The following ROBO2 variants were observed in gnomAD, a reference collection of about 807,000 sequenced individuals.
ROBO2 encodes roundabout homolog 2.
Under a neutral mutation model 160.8 loss-of-function variants are expected in ROBO2, and 53 were observed. That is an observed-to-expected ratio of 0.33 (90% CI 0.26 to 0.41). ROBO2 has a LOEUF of 0.41. Ranked by LOEUF, ROBO2 falls within the 10% of genes least tolerant of loss-of-function variation. ROBO2 has a pLI of 1.00. For synonymous variants in ROBO2, 664 were observed against 611.7 expected, an observed-to-expected ratio of 1.09 and a Z score of -1.26; for missense variants, 1,577 against 1,722.4, an observed-to-expected ratio of 0.92 and a Z score of 1.49.
At chr3:77,495,685 T>G (rs2086695277) in intron 5 of ROBO2, among the ~76,000 whole-genome samples, 1 of 152,184 alleles carries the variant, frequency 6.6e-6, no homozygotes, top group African/African-American at 2.4e-5. Context: ...TATAGGTTTT[T>G]AAAAAGAATA....
At chr3:77,526,688 G>A (rs577268502) in intron 6 of ROBO2, among the ~76,000 whole-genome samples, 1 of 151,348 alleles carries the variant, frequency 6.6e-6, no homozygotes, top group African/African-American at 2.4e-5. Context: ...TGAAAGTTAT[G>A]GTATAATAAA....
intron 2 of ROBO2, among the ~76,000 whole-genome samples, chr3:76,089,123 C>T (rs947637193): frequency 6.6e-6 from 1 of 151,916 alleles, no homozygotes; most frequent in African/African-American, 2.4e-5. Flanking sequence ...CACAATCTGT[C>T]AAATCTTACA....
At chr3:76,283,469 TA>T (rs1213668677) in intron 2 of ROBO2, among the ~76,000 whole-genome samples, 2 of 151,876 alleles carry the variant, frequency 1.3e-5, no homozygotes, top group African/African-American at 4.8e-5. Context: ...TCAACCTCAA[TA>T]AAAATCAAGC....
chr3:76,570,434 C>T lies in ROBO2; in HGVS notation c.110-527580C>T, dbSNP rs1005631891. On this transcript the variant is annotated intron_variant, in intron 2 of 26. Transcript: ENST00000487694. Reference sequence around the variant, plus strand: ...ACTTAATGGGATGTAAAAAATAACTCGTACATCTAGAGCGCTTTAAAATAA... The same window carrying T: ...ACTTAATGGGATGTAAAAAATAACTTGTACATCTAGAGCGCTTTAAAATAA... 3.9e-5 allele frequency among the ~76,000 whole-genome samples: 6 copies of T among 152,266 alleles called. 1 individual carries two copies. Among genetic ancestry groups the T allele is most frequent in the African/African-American group, 1.2e-4 (5 of 41,556 alleles).
At chr3:76,056,429 C>T (rs1246979282) in intron 2 of ROBO2, among the ~76,000 whole-genome samples, 1 of 151,612 alleles carries the variant, frequency 6.6e-6, no homozygotes, top group Non-Finnish European at 1.5e-5. Flanking sequence ...AAAAATGGTG[C>T]GTTTTTAAAA....
At chr3:77,048,350 A>G (rs1405269136) in intron 1 of ROBO2, among the ~76,000 whole-genome samples, 4 of 152,206 alleles carry the variant, frequency 2.6e-5, no homozygotes, top group African/African-American at 9.6e-5. Flanking sequence ...CAGTTGTGCT[A>G]TGACATGTGT....
intron 2 of ROBO2, among the ~76,000 whole-genome samples, chr3:76,021,713 A>G (rs2066580046): frequency 6.6e-6 from 1 of 151,794 alleles, no homozygotes; most frequent in Admixed American, 6.6e-5. Flanking sequence ...ATTTTAATAT[A>G]CGTTATTGCT....
At chr3:77,277,091 A>G (rs2059879636) in intron 2 of ROBO2, among the ~76,000 whole-genome samples, 2 of 151,594 alleles carry the variant, frequency 1.3e-5, no homozygotes, top group African/African-American at 2.4e-5. Flanking sequence ...TAAAAAGAAA[A>G]AGAGAGAGAG....
rs1167194799 is a variant in ROBO2, at chr3:76,780,420, CT to C, written c.110-317589del. On this transcript the variant is annotated intron_variant, in intron 2 of 26. Transcript: ENST00000487694. Reference sequence around the variant, plus strand: ...GATTGTTTTATTTTCTGTGTAGAAGCTTTTTAGTTTGATGTCATCTTGCTTG... The same window carrying C: ...GATTGTTTTATTTTCTGTGTAGAAGCTTTTAGTTTGATGTCATCTTGCTTG... Among the ~76,000 whole-genome samples the C allele has an allele frequency of 1.5e-4, 22 of 150,844 alleles. No individual in the cohort carries two copies. In the East Asian group the frequency reaches 4.3e-3, roughly 30 times the overall value.
intron 2 of ROBO2, among the ~76,000 whole-genome samples, chr3:76,925,076 C>A (rs372356774): frequency 3.3e-5 from 5 of 151,010 alleles, no homozygotes; most frequent in Non-Finnish European, 7.4e-5. Flanking sequence ...GGCGTAGTGG[C>A]GGGCACCTGT....
At chr3:77,001,738 A>G (rs1212993048) in intron 2 of ROBO2, among the ~76,000 whole-genome samples, 2 of 152,160 alleles carry the variant, frequency 1.3e-5, no homozygotes, top group Admixed American at 6.6e-5. Context: ...CATCATGAAC[A>G]TCCTTCTAAT....
rs150767492 is a variant in ROBO2, at chr3:77,625,814, G to A, written c.3760+3382G>A. On this transcript the variant is annotated intron_variant, in intron 23 of 25. Transcript: ENST00000461745. ...CAAAAACTAAGAAGAATGTATGACA[G>A]AGACAGCAAAGCCTAAAATATTTAC... 7.8e-3 allele frequency among the ~76,000 whole-genome samples: 1,185 copies of A among 152,242 alleles called. 9 individuals are homozygous for A. Among genetic ancestry groups the A allele is most frequent in the Admixed American group, 0.015 (228 of 15,288 alleles).
chr3:77,125,264 T>A (rs1385801294), intron 2 of ROBO2, among the ~76,000 whole-genome samples: 1 of 152,170 alleles, frequency 6.6e-6, no homozygotes, highest in East Asian at 1.9e-4. Context: ...CACATGAGTG[T>A]CTGTGGATTT....
At chr3:76,878,642 A>ATT (rs781302773) in intron 2 of ROBO2, among the ~76,000 whole-genome samples, 2 of 152,158 alleles carry the variant, frequency 1.3e-5, no homozygotes, top group Admixed American at 6.5e-5. Flanking sequence ...AACTAGCCGT[A>ATT]TTTTCTTTTC....
At chr3:77,572,185 A>G (rs1278021992) in intron 13 of ROBO2, among the ~76,000 whole-genome samples, 1 of 152,056 alleles carries the variant, frequency 6.6e-6, no homozygotes, top group Non-Finnish European at 1.5e-5. Context: ...CAGTATTAAC[A>G]AGCTATTATT....
intron 2 of ROBO2, among the ~76,000 whole-genome samples, chr3:76,422,063 C>T (rs2076018735): frequency 6.6e-6 from 1 of 152,082 alleles, no homozygotes; most frequent in Non-Finnish European, 1.5e-5. Flanking sequence ...ATAAGCAGGC[C>T]CACCTGACCC....
At chr3:76,982,698 C>T (rs1032783428) in intron 2 of ROBO2, among the ~76,000 whole-genome samples, 1 of 147,878 alleles carries the variant, frequency 6.8e-6, no homozygotes, top group Non-Finnish European at 1.5e-5. Flanking sequence ...TAATTTATAC[C>T]TATTTATTTT....
At chr3:76,405,188 G>C (rs2078058320) in intron 2 of ROBO2, among the ~76,000 whole-genome samples, 1 of 151,434 alleles carries the variant, frequency 6.6e-6, no homozygotes, top group Non-Finnish European at 1.5e-5. Context: ...TAAATAATAA[G>C]GTATGAGCCT....
At chr3:76,437,137 G>A (rs1036886701) in intron 2 of ROBO2, among the ~76,000 whole-genome samples, 1 of 152,144 alleles carries the variant, frequency 6.6e-6, no homozygotes, top group African/African-American at 2.4e-5. Flanking sequence ...GTAAGAGACA[G>A]TAGTATACTG....
Sources: gnomAD v4.1 joint callset for allele counts (sites outside exome capture counted in the v4.1 genomes callset) on GRCh38, gnomAD v4.1.1 for gene constraint, MANE v1.5 for transcripts, NCBI Gene and HGNC (gene_info 2026-07-23, HGNC 2026-07-21) for gene names.